The following MED27 variants were observed in gnomAD, a reference collection of about 807,000 sequenced individuals.
The protein encoded by MED27 is mediator of RNA polymerase II transcription subunit 27.
A neutral mutation model predicts 38.2 loss-of-function variants in MED27; 30 were observed. The ratio of observed to expected loss-of-function variants is 0.79; its 90% confidence interval spans 0.59 to 1.07. The LOEUF (loss-of-function observed/expected upper bound fraction) is 1.07, where lower values mean the gene tolerates loss of function less well. MED27 is among the 50% of genes least tolerant of loss of function. MED27 has a pLI of 0.00. For missense variants in MED27, 289 were observed against 397.5 expected, an observed-to-expected ratio of 0.73 and a Z score of 2.32; for synonymous variants, 122 against 153.5, an observed-to-expected ratio of 0.79 and a Z score of 1.52.
At chr9:132,070,007 T>C (rs1276653288) in intron 2 of MED27, among the ~76,000 whole-genome samples, 1 of 152,202 alleles carries the variant, frequency 6.6e-6, no homozygotes, top group Admixed American at 6.5e-5. Flanking sequence ...GTCCCTCAGA[T>C]GTGCTCAATG....
At position 131,945,968 on chromosome 9, in the gene MED27, T is replaced by TAAA. The variant is rs763561881; in HGVS notation, c.480-6497_480-6495dup. On this transcript the variant is annotated intron_variant, in intron 3 of 7. Coordinates refer to ENST00000292035, the MANE Select transcript of MED27 (RefSeq NM_004269.4). ...GGGTGACAAATCAGACCCTATCTCT[T>TAAA]AAAAAAAAAAAAAAAAAAAGCGATC... Among the ~76,000 whole-genome samples the TAAA allele has an allele frequency of 2.6e-5, 3 of 114,312 alleles. No individual in the cohort carries two copies. The South Asian group carries it at 1.0e-3, about 39-fold the overall frequency. 75.0% of individuals were successfully genotyped at this position (114,312 alleles called of 152,430 possible).
At chr9:132,009,958 G>A (rs1001699411) in intron 3 of MED27, among the ~76,000 whole-genome samples, 5 of 152,126 alleles carry the variant, frequency 3.3e-5, no homozygotes, top group East Asian at 1.9e-4. Context: ...TGTAGATTCT[G>A]GATATTAGCC....
chr9:131,939,444 G>A lies in MED27; in HGVS notation c.510C>T (p.Asp170=). ...GGATGGACATTTCAGGAAACATCCTGTCAATGCGGCTGATCACATCATCAA... is the reference window on the plus strand; with the variant it reads ...GGATGGACATTTCAGGAAACATCCTATCAATGCGGCTGATCACATCATCAA... ...QYVDDVISRI[D]RMFPEMSIHL... is the part of the protein sequence containing the mutation. The change falls in exon 4 of 8, where the codon GAC becomes GAT. Residue 170 remains aspartate, a synonymous_variant. Transcript: ENST00000292035. The A allele has an allele frequency of 6.2e-7, 1 of 1,611,702 alleles. No individual in the cohort carries two copies. Among genetic ancestry groups the A allele is most frequent in the South Asian group, 1.1e-5 (1 of 90,566 alleles).
At chr9:131,956,005 G>A (rs1334314880) in intron 3 of MED27, among the ~76,000 whole-genome samples, 3 of 152,142 alleles carry the variant, frequency 2.0e-5, no homozygotes, top group Non-Finnish European at 4.4e-5. Flanking sequence ...ATAGAATCCA[G>A]CAATATATAA....
chr9:131,922,635 C>CTTTTA (rs140015151), intron 4 of MED27, among the ~76,000 whole-genome samples: 1 of 150,870 alleles, frequency 6.6e-6, no homozygotes, highest in East Asian at 1.9e-4. Context: ...TTATTTTTTT[C>CTTTTA]TTTTCTTTTA....
intron 2 of MED27, among the ~76,000 whole-genome samples, chr9:132,063,829 G>A (rs1833749041): frequency 6.6e-6 from 1 of 152,152 alleles, no homozygotes; most frequent in African/African-American, 2.4e-5. Context: ...CACCTACTAT[G>A]TGCCAGCCCG....
intron 3 of MED27, among the ~76,000 whole-genome samples, chr9:132,010,678 T>C (rs1261846545): frequency 2.6e-5 from 4 of 152,160 alleles, no homozygotes; most frequent in Non-Finnish European, 4.4e-5. Flanking sequence ...GTGGCACATA[T>C]ACACCACGGA....
intron 2 of MED27, among the ~76,000 whole-genome samples, chr9:132,023,380 T>C (rs1338024272): frequency 6.6e-6 from 1 of 152,186 alleles, no homozygotes; most frequent in Non-Finnish European, 1.5e-5. Flanking sequence ...CAATCTGATA[T>C]TTTATAAACT....
intron 2 of MED27, among the ~76,000 whole-genome samples, chr9:132,071,279 A>C (rs756489124): frequency 7.9e-5 from 12 of 152,122 alleles, no homozygotes; most frequent in Non-Finnish European, 1.8e-4. Context: ...TGAACCACCG[A>C]GCAACACTGC....
chr9:131,933,143 G>T (rs137863193), intron 4 of MED27, among the ~76,000 whole-genome samples: 1 of 152,226 alleles, frequency 6.6e-6, no homozygotes. Flanking sequence ...ATATATGACA[G>T]ATTTACAGTT....
intron 6 of MED27, chr9:131,869,368 A>C (rs1838789467): frequency 1.0e-6 from 1 of 981,092 alleles, no homozygotes; most frequent in Non-Finnish European, 1.2e-6. Flanking sequence ...AGCATCCAAG[A>C]CTTGGAAAAA....
intron 3 of MED27, among the ~76,000 whole-genome samples, chr9:131,955,462 C>G (rs1201029028): frequency 1.3e-5 from 2 of 151,818 alleles, no homozygotes; most frequent in African/African-American, 4.8e-5. Flanking sequence ...ATCACCAAAA[C>G]CAAGAGCAGG....
chr9:131,876,082 C>T lies in MED27; in HGVS notation c.723+7976G>A, dbSNP rs868833609. 2.8e-4 allele frequency among the ~76,000 whole-genome samples: 42 copies of T among 152,268 alleles called. 1 individual carries two copies. The highest frequency in any genetic ancestry group is 2.3e-3 in the East Asian group (12 of 5,174). On this transcript the variant is annotated intron_variant, in intron 6 of 7. Coordinates refer to ENST00000292035, the MANE Select transcript of MED27 (RefSeq NM_004269.4). ...GGGAGGTCAGCCTGGGCTTAGAGAG[C>T]GGATGGGTGGGGGCCGTCCTGCCAT... is the stretch of plus-strand genomic sequence containing the variant.
chr9:131,932,315 T>C (rs528033803), intron 4 of MED27, among the ~76,000 whole-genome samples: 5 of 145,802 alleles, frequency 3.4e-5, no homozygotes, highest in Non-Finnish European at 7.6e-5. Flanking sequence ...ACTGAAAAAA[T>C]TTCTTGAAAT....
At chr9:131,871,531 C>CGTG (rs1419111207) in intron 6 of MED27, among the ~76,000 whole-genome samples, 2 of 152,152 alleles carry the variant, frequency 1.3e-5, no homozygotes, top group Non-Finnish European at 2.9e-5. Flanking sequence ...ACAGGAACAA[C>CGTG]GGCACCATTC....
In MED27 at chr9:131,891,020, T is replaced by A. The variant is rs141526127; in HGVS notation, c.681+2865A>T. ...GTTCTGAATTCTATGGGTGTATGGA[T>A]AATGATGATAACTCTGTGCTGTAAG... On this transcript the variant is annotated intron_variant, in intron 5 of 7. Coordinates refer to ENST00000292035, the MANE Select transcript of MED27 (RefSeq NM_004269.4). Among the ~76,000 whole-genome samples, 48 of 152,344 alleles carry A rather than the reference T, an allele frequency of 3.2e-4. No homozygotes were observed. In the East Asian group the frequency reaches 8.5e-3, roughly 27 times the overall value.
chr9:132,014,517 A>C, intron 2 of MED27, 50 bp from the exon 3 acceptor site: 1 of 1,584,676 alleles, frequency 6.3e-7, no homozygotes. Context: ...ATTTGGTAAA[A>C]GTAGGACAAA....
intron 6 of MED27, among the ~76,000 whole-genome samples, chr9:131,871,248 T>C (rs974913969): frequency 1.3e-5 from 2 of 152,146 alleles, no homozygotes; most frequent in Admixed American, 1.3e-4. Flanking sequence ...TCTCCTGCGG[T>C]GGGGGCAAAG....
At chr9:131,870,072 C>T (rs1838803815) in intron 6 of MED27, among the ~76,000 whole-genome samples, 1 of 152,154 alleles carries the variant, frequency 6.6e-6, no homozygotes, top group Admixed American at 6.5e-5. Context: ...AGCTCCTCTG[C>T]CATATTGTGT....
Sources: allele counts gnomAD v4.1 joint callset (sites outside exome capture counted in the v4.1 genomes callset), GRCh38; gene constraint gnomAD v4.1.1; transcripts MANE v1.5; gene names NCBI Gene and HGNC (gene_info 2026-07-23, HGNC 2026-07-21).